The following CSMD1 variants were observed in gnomAD, a reference collection of about 807,000 sequenced individuals.
The protein encoded by CSMD1 is CUB and Sushi multiple domains 1.
Under a neutral mutation model 417.5 loss-of-function variants are expected in CSMD1, and 213 were observed. The observed-to-expected ratio is 0.51, with a 90% CI of 0.46 to 0.57. The LOEUF (loss-of-function observed/expected upper bound fraction) is 0.57. Ranked by LOEUF, CSMD1 falls within the 20% of genes least tolerant of loss-of-function variation. The pLI is 0.00. For synonymous variants in CSMD1, 2,862 were observed against 1,736.8 expected, an observed-to-expected ratio of 1.65 and a Z score of -16.11; for missense variants, 6,923 against 4,529.7, an observed-to-expected ratio of 1.53 and a Z score of -15.17.
At position 3,709,119 on chromosome 8, in the gene CSMD1, A is replaced by G. The variant is rs924229625; in HGVS notation, c.932-628T>C. On this transcript the variant is annotated intron_variant, in intron 6 of 69. Transcript: ENST00000635120. ...GAGAGTTAAATATGTTTCTTGATGT[A>G]CTACGGCCTGCATTAAACATTTTAA... Among the ~76,000 whole-genome samples the G allele has an allele frequency of 5.5e-4, 83 of 150,906 alleles. 1 individual carries two copies. Among genetic ancestry groups the G allele is most frequent in the Non-Finnish European group, 7.2e-4 (49 of 67,854 alleles).
chr8:4,754,623 G>A (rs969208568), intron 1 of CSMD1, among the ~76,000 whole-genome samples: 3 of 151,828 alleles, frequency 2.0e-5, no homozygotes, highest in Non-Finnish European at 4.4e-5. Context: ...AGGCAGAGGT[G>A]GGTGGATCAT....
chr8:3,716,068 T>G (rs1423304425), intron 6 of CSMD1, among the ~76,000 whole-genome samples: 2 of 152,208 alleles, frequency 1.3e-5, no homozygotes, highest in Non-Finnish European at 2.9e-5. Flanking sequence ...CTGTTCACTC[T>G]GAAACAATCA....
chr8:4,406,744 T>G (rs762568603), intron 3 of CSMD1, among the ~76,000 whole-genome samples: 1 of 152,178 alleles, frequency 6.6e-6, no homozygotes, highest in African/African-American at 2.4e-5. Context: ...AATGTATTGT[T>G]TGCCAACAAA....
chr8:3,619,414 G>T, intron 7 of CSMD1, among the ~76,000 whole-genome samples: 1 of 151,622 alleles, frequency 6.6e-6, no homozygotes, highest in African/African-American at 2.4e-5. Flanking sequence ...GGCATACAAA[G>T]AAAGAGGGAA....
intron 3 of CSMD1, among the ~76,000 whole-genome samples, chr8:4,196,095 C>G (rs1799324793): frequency 6.6e-6 from 1 of 152,080 alleles, no homozygotes; most frequent in African/African-American, 2.4e-5. Flanking sequence ...CCTGTAGTCC[C>G]AGCTGCTGGG....
intron 37 of CSMD1, among the ~76,000 whole-genome samples, chr8:3,168,017 G>T (rs1003135263): frequency 2.0e-5 from 3 of 151,008 alleles, no homozygotes; most frequent in Non-Finnish European, 4.4e-5. Context: ...AACTGTGCAT[G>T]ACTGGCAGAG....
chr8:4,087,599 GTCTC>G (rs1224149407), intron 3 of CSMD1, among the ~76,000 whole-genome samples: 4 of 151,968 alleles, frequency 2.6e-5, no homozygotes, highest in Admixed American at 1.3e-4. Flanking sequence ...CTAACTTTCT[GTCTC>G]TCTCTCATTC....
intron 23 of CSMD1, among the ~76,000 whole-genome samples, chr8:3,335,673 C>T (rs190661984): frequency 4.6e-5 from 7 of 152,210 alleles, no homozygotes; most frequent in African/African-American, 1.4e-4. Context: ...GAGACTCCGA[C>T]TCAAGAAAAT....
At chr8:3,760,934 G>A (rs771493242) in intron 5 of CSMD1, among the ~76,000 whole-genome samples, 10 of 151,630 alleles carry the variant, frequency 6.6e-5, no homozygotes, top group Non-Finnish European at 1.5e-4. Context: ...AATTTGGGCA[G>A]AAAGCCATAT....
At chr8:4,948,026 C>A (rs963231002) in intron 1 of CSMD1, among the ~76,000 whole-genome samples, 6 of 151,940 alleles carry the variant, frequency 3.9e-5, no homozygotes, top group Admixed American at 2.0e-4. Flanking sequence ...TTGTGTTACA[C>A]ATTCACTTTT....
intron 7 of CSMD1, among the ~76,000 whole-genome samples, chr8:3,665,192 G>T (rs964035985): frequency 6.6e-6 from 1 of 152,096 alleles, no homozygotes; most frequent in Non-Finnish European, 1.5e-5. Context: ...TTAGGTATTT[G>T]CATCTTTTAC....
At chr8:4,102,718 G>T (rs968541828) in intron 3 of CSMD1, among the ~76,000 whole-genome samples, 2 of 152,116 alleles carry the variant, frequency 1.3e-5, no homozygotes, top group Non-Finnish European at 2.9e-5. Flanking sequence ...GTATCCAAAA[G>T]ATTTTAGACA....
chr8:4,698,987 C>T (rs1192106551), intron 1 of CSMD1, among the ~76,000 whole-genome samples: 1 of 151,814 alleles, frequency 6.6e-6, no homozygotes, highest in Non-Finnish European at 1.5e-5. Flanking sequence ...ACTGCCTTGC[C>T]ATGGTCATGC....
chr8:4,620,921 C>A (rs920537653), intron 2 of CSMD1, among the ~76,000 whole-genome samples: 1 of 151,312 alleles, frequency 6.6e-6, no homozygotes. Context: ...AGGCAACTGG[C>A]AAATAATAAA....
intron 4 of CSMD1, among the ~76,000 whole-genome samples, chr8:4,027,226 T>A (rs547619171): frequency 1.3e-5 from 2 of 152,144 alleles, no homozygotes; most frequent in Non-Finnish European, 2.9e-5. Context: ...TTTATTCTCA[T>A]TGAGTCACCA....
intron 2 of CSMD1, among the ~76,000 whole-genome samples, chr8:4,436,058 A>G (rs1411791421): frequency 1.3e-5 from 2 of 152,180 alleles, no homozygotes; most frequent in South Asian, 4.1e-4. Context: ...TCATTCACAG[A>G]TCTTATAATT....
intron 4 of CSMD1, among the ~76,000 whole-genome samples, chr8:4,029,724 C>G (rs902130169): frequency 1.3e-5 from 2 of 152,178 alleles, no homozygotes; most frequent in African/African-American, 4.8e-5. Flanking sequence ...CCCCCAAAGT[C>G]TTAACTTATT....
At chr8:3,295,475 G>GGT (rs1420146708) in intron 25 of CSMD1, among the ~76,000 whole-genome samples, 1 of 152,072 alleles carries the variant, frequency 6.6e-6, no homozygotes, top group Non-Finnish European at 1.5e-5. Flanking sequence ...CTGAAAAAAA[G>GGT]GTAGAACTTT....
chr8:2,965,568 C>T (rs549369915), intron 59 of CSMD1, among the ~76,000 whole-genome samples: 1 of 152,282 alleles, frequency 6.6e-6, no homozygotes, highest in Admixed American at 6.5e-5. Context: ...TAAGCCTTTT[C>T]CTCTACCTCG....
Sources: allele counts gnomAD v4.1 joint callset (sites outside exome capture counted in the v4.1 genomes callset), GRCh38; gene constraint gnomAD v4.1.1; transcripts MANE v1.5; gene names NCBI Gene and HGNC (gene_info 2026-07-23, HGNC 2026-07-21).